Variants in NOP2 observed in about 807,000 individuals in gnomAD.
The protein encoded by NOP2 is 28S rRNA (cytosine(4447)-C(5))-methyltransferase.
NOP2 carries 7 observed loss-of-function variants against 72.7 expected under a neutral mutation model. The observed-to-expected ratio is 0.10, with a 90% CI of 0.05 to 0.18. The LOEUF is 0.18. Among genes scored for constraint, NOP2 ranks in the 10% least tolerant of loss-of-function variants. NOP2 has a pLI of 1.00. For missense variants in NOP2, 954 were observed against 1,014.7 expected, an observed-to-expected ratio of 0.94 and a Z score of 0.81; for synonymous variants, 387 against 388.0, an observed-to-expected ratio of 1.00 and a Z score of 0.03.
rs946921169 is a variant in NOP2 at position 6,560,082 on chromosome 12, G to A, written c.1789+16C>T. 6.3e-7 allele frequency: 1 copy of A among 1,586,570 alleles called. No individual in the cohort carries two copies. The highest frequency in any genetic ancestry group is 8.7e-7 in the Non-Finnish European group (1 of 1,155,268). ...AGAGCAAAGGTGGTGACGAAGGGAAGAAAAAGATTACTTACCTGTCTGGGA... is the reference window on the plus strand; with the variant it reads ...AGAGCAAAGGTGGTGACGAAGGGAAAAAAAAGATTACTTACCTGTCTGGGA... On this transcript the variant is annotated intron_variant, in intron 15 of 15. Coordinates refer to ENST00000322166, the MANE Select transcript of NOP2 (RefSeq NM_001258308.2). This position sits in a 1 kb window ranked among gnomAD's most constrained non-coding sequence, Gnocchi z 5.0.
At position 6,563,323 on chromosome 12, in the gene NOP2, G is replaced by A; in HGVS notation, c.880C>T (p.Leu294=). ...LLGKLMDLFP[L]SELVEFLEAN... ...TTCTGGCAATCCAGTACCTCAGACA[G>A]AGGGAAGAGGTCCATGAGCTTGCCA... The change falls in exon 8 of 16, where the codon CTG becomes TTG. Residue 294 remains leucine, a synonymous_variant. Coordinates refer to ENST00000322166, the MANE Select transcript of NOP2 (RefSeq NM_001258308.2). 1 of 1,593,116 alleles carries A rather than the reference G, an allele frequency of 6.3e-7. No homozygotes were observed. Among genetic ancestry groups the A allele is most frequent in the Non-Finnish European group, 8.5e-7 (1 of 1,169,834 alleles).
rs1592243031 is a variant in NOP2 at position 6,563,211 on chromosome 12, G to A, written c.889-41C>T. 3.8e-6 allele frequency: 6 copies of A among 1,559,756 alleles called. No homozygotes were observed. In the East Asian group the frequency reaches 1.4e-4, roughly 37 times the overall value. ...GCAGGGAATAAGTGAGGCTGGCTAA[G>A]GAGCTCAGTCAGAAGAGGGGAGCAA... On this transcript the variant is annotated intron_variant, in intron 8 of 15. Transcript: ENST00000322166.
rs1309199794 is a variant in NOP2, at chr12:6,563,760, C to T, written c.542G>A (p.Ser181Asn). 3 of 1,613,178 alleles carry T rather than the reference C, an allele frequency of 1.9e-6. No homozygotes were observed. Among genetic ancestry groups the T allele is most frequent in the Admixed American group, 3.3e-5 (2 of 59,956 alleles). ...CTCCTCGTCCTCGGTCTCCTCTTCA[C>T]TCCACTGGATCCTAGAAACAGGTCC... is the stretch of plus-strand genomic sequence containing the variant. Reference protein sequence around the residue: ...AREAAAGIQWSEEETEDEEEE... With the variant: ...AREAAAGIQWNEEETEDEEEE... Residue 181 changes from serine to asparagine, a missense_variant, in exon 7 of 16, where the codon AGT becomes AAT. Around this residue, in one of 3 missense-constraint regions of NOP2, gnomAD observed 498 missense variants for 478.3 expected, o/e 1.04. Coordinates refer to ENST00000322166, the MANE Select transcript of NOP2 (RefSeq NM_001258308.2).
chr12:6,557,085 G>T lies in NOP2; in HGVS notation c.2347C>A (p.Pro783Thr). 1 of 1,613,978 alleles carries T rather than the reference G, an allele frequency of 6.2e-7. No individual in the cohort carries two copies. The highest frequency in any genetic ancestry group is 1.1e-5 in the South Asian group (1 of 91,078). Residue 783 changes from proline to threonine, a missense_variant, in exon 16 of 16, where the codon CCC becomes ACC. Pro to Thr is a conservative substitution (Grantham distance 38, BLOSUM62 -1). This residue lies in a region of NOP2 where 269 missense variants were observed against 260.2 expected (regional missense o/e 1.03). Transcript: ENST00000322166. ...QNDTPKGPQP[P>T]TVSPIRSSRP... Reference sequence around the variant, plus strand: ...CTGGAACGGATGGGAGACACAGTGGGAGGCTGAGGCCCCTTGGGGGTATCA... The same window carrying T: ...CTGGAACGGATGGGAGACACAGTGGTAGGCTGAGGCCCCTTGGGGGTATCA...
chr12:6,563,804 A>G (rs1182163509), intron 6 of NOP2, 33 bp from the exon 7 acceptor site: 1 of 1,612,600 alleles, frequency 6.2e-7, no homozygotes, highest in African/African-American at 1.3e-5. Context: ...AGTGATTCAC[A>G]GACCAAAACA....
At chr12:6,567,776 G>A (rs201620563) in intron 2 of NOP2, 40 bp downstream of exon 2, 248 of 1,495,526 alleles carry the variant, frequency 1.7e-4, no homozygotes, top group Admixed American at 1.7e-4. Context: ...ACAGAATACT[G>A]CAAAAGCTGA....
intron 15 of NOP2, chr12:6,558,286 T>G (rs1947556920): frequency 3.7e-6 from 1 of 272,308 alleles, no homozygotes; most frequent in African/African-American, 2.4e-5. Flanking sequence ...TTTTTTTCTT[T>G]TTTTGAGATG....
chr12:6,563,074 C>G lies in NOP2; in HGVS notation c.978+7G>C, dbSNP rs777434478. ...GAGATGAGTGAGCCTCAAAGGCCAC[C>G]CCTCACCTGTGCAAGGTCTCGGCGT... On this transcript the variant is annotated splice_region_variant and intron_variant, in intron 9 of 15. Coordinates refer to ENST00000322166, the MANE Select transcript of NOP2 (RefSeq NM_001258308.2). 1.9e-6 allele frequency: 3 copies of G among 1,574,648 alleles called. No homozygotes were observed. The highest frequency in any genetic ancestry group is 2.6e-6 in the Non-Finnish European group (3 of 1,160,122).
Position 6,560,168 on chromosome 12 carries a change from G to T in NOP2, c.1719C>A (p.Thr573=). The T allele has an allele frequency of 1.2e-6, 2 of 1,614,020 alleles. No homozygotes were observed. Among genetic ancestry groups the T allele is most frequent in the Non-Finnish European group, 1.7e-6 (2 of 1,179,890 alleles). Reference sequence around the variant, plus strand: ...CAATGAAGAACCCATCCATATTGTGGGTATGAGGGTAGAAGCGTCGGGTAG... The same window carrying T: ...CAATGAAGAACCCATCCATATTGTGTGTATGAGGGTAGAAGCGTCGGGTAG... The part of the protein sequence containing the change: ...LRSTRRFYPH[T]HNMDGFFIAK... The change falls in exon 15 of 16, where the codon ACC becomes ACA. Residue 573 remains threonine (T), a synonymous_variant. Transcript: ENST00000322166. The surrounding 1 kb of genome is among the most constrained non-coding windows in gnomAD (Gnocchi z 5.0).
At chr12:6,564,581 C>T (rs1294044607) in intron 5 of NOP2, among the ~76,000 whole-genome samples, 3 of 151,990 alleles carry the variant, frequency 2.0e-5, no homozygotes, top group Admixed American at 1.3e-4. Flanking sequence ...GCGCGCACCA[C>T]CATGCCCAGC....
At chr12:6,563,977 C>G (rs1211560333) in intron 5 of NOP2, 31 bp from the exon 6 acceptor site, 47 of 1,607,438 alleles carry the variant, frequency 2.9e-5, no homozygotes, top group Non-Finnish European at 3.9e-5. Flanking sequence ...TTAATACAGG[C>G]CTGCCCTTCC....
In NOP2 at chr12:6,557,269, C is replaced by A; in HGVS notation, c.2163G>T (p.Lys721Asn). Residue 721 changes from lysine to asparagine, a missense_variant, in exon 16 of 16, where the codon AAG becomes AAT. By Grantham distance (94) the Lys-to-Asn change is moderately conservative. This residue lies in a region of NOP2 where 269 missense variants were observed against 260.2 expected (regional missense o/e 1.03). Coordinates refer to ENST00000322166, the MANE Select transcript of NOP2 (RefSeq NM_001258308.2). ...VAFLRQNAPP[K>N]GTDTQTPAVL... ...CAGCCGGTGTTTGTGTGTCTGTGCC[C>A]TTGGGAGGGGCATTCTGCCTGAGGA... The A allele has an allele frequency of 6.2e-7, 1 of 1,614,018 alleles. No homozygotes were observed. Among genetic ancestry groups the A allele is most frequent in the African/African-American group, 1.3e-5 (1 of 75,032 alleles).
intron 11 of NOP2, 80 bp downstream of exon 11, chr12:6,561,584 G>C: frequency 6.4e-7 from 1 of 1,558,488 alleles, no homozygotes; most frequent in Non-Finnish European, 8.8e-7. Flanking sequence ...GAGCACTAGT[G>C]AGTCAGCAAC....
At chr12:6,564,329 C>T (rs1592244982) in intron 5 of NOP2, 1 of 192,892 alleles carries the variant, frequency 5.2e-6, no homozygotes, top group Non-Finnish European at 1.1e-5. Context: ...TTACATTTTT[C>T]TTTCTACTAT....
chr12:6,557,219 G>T lies in NOP2; in HGVS notation c.2213C>A (p.Ala738Asp). 1 of 1,613,974 alleles carries T rather than the reference G, an allele frequency of 6.2e-7. No homozygotes were observed. Among genetic ancestry groups the T allele is most frequent in the Non-Finnish European group, 8.5e-7 (1 of 1,179,884 alleles). ...ATGATGGTCCTTAGGTTTCAGGGTG[G>T]CCTGAGTCTTGGATGGGGATAACAC... is the stretch of plus-strand genomic sequence containing the variant. ...PAVLSPSKTQATLKPKDHHQP... is the reference protein window; with the variant it reads ...PAVLSPSKTQDTLKPKDHHQP... Residue 738 changes from alanine to aspartate, a missense_variant, in exon 16 of 16, where the codon GCC becomes GAC. Around this residue, in one of 3 missense-constraint regions of NOP2, gnomAD observed 269 missense variants for 260.2 expected, o/e 1.03. Transcript: ENST00000322166.
At chr12:6,568,092 T>A in intron 1 of NOP2, 115 bp downstream of exon 1, 1 of 601,936 alleles carries the variant, frequency 1.7e-6, no homozygotes, top group Non-Finnish European at 2.9e-6. Flanking sequence ...GCTATCCCCC[T>A]GGAGGCCCGA....
intron 2 of NOP2, 78 bp downstream of exon 2, chr12:6,567,738 G>C (rs563388870): frequency 5.2e-6 from 6 of 1,148,652 alleles, no homozygotes; most frequent in African/African-American, 3.1e-5. Flanking sequence ...AAAATGAACA[G>C]AAACTAAAAA....
chr12:6,568,074 G>C (rs951699249), intron 1 of NOP2, 133 bp downstream of exon 1: 13 of 617,002 alleles, frequency 2.1e-5, no homozygotes, highest in Non-Finnish European at 3.7e-5. Context: ...CGCGACTCAA[G>C]CACCCCCGCT....
Position 6,563,396 on chromosome 12 carries a change from C to T in NOP2, c.807G>A (p.Arg269=). The part of the protein sequence containing the change: ...EGRSRSEYLN[R]LKKDLAIYYS... ...AGTAAATGGCCAGATCCTTCTTGAG[C>T]CGGTTCAGGTATTCAGAACGAGACC... is the stretch of plus-strand genomic sequence containing the variant. Residue 269 remains arginine, a synonymous_variant, in exon 8 of 16, where the codon CGG becomes CGA. Coordinates refer to ENST00000322166, the MANE Select transcript of NOP2 (RefSeq NM_001258308.2). The T allele has an allele frequency of 1.9e-6, 3 of 1,605,456 alleles. No homozygotes were observed. Among genetic ancestry groups the T allele is most frequent in the East Asian group, 2.2e-5 (1 of 44,590 alleles).
Sources: allele counts gnomAD v4.1 joint callset (sites outside exome capture counted in the v4.1 genomes callset), GRCh38; gene constraint gnomAD v4.1.1; regional missense constraint gnomAD v4.1.1; non-coding constraint Gnocchi (gnomAD v3.1); transcripts MANE v1.5; gene names NCBI Gene and HGNC (gene_info 2026-07-23, HGNC 2026-07-21).